Variants in ACSS3 observed in about 807,000 individuals in gnomAD.
ACSS3 encodes the protein acyl-CoA synthetase short-chain family member 3, mitochondrial.
Under a neutral mutation model 84.2 loss-of-function variants are expected in ACSS3, and 64 were observed. That is an observed-to-expected ratio of 0.76 (90% CI 0.62 to 0.94). The LOEUF (loss-of-function observed/expected upper bound fraction) is 0.94. ACSS3 is among the 40% of genes least tolerant of loss of function. ACSS3 has a pLI of 0.00. For missense variants in ACSS3, 815 were observed against 867.6 expected (o/e 0.94, Z 0.76); for synonymous variants, 317 against 310.1 (o/e 1.02, Z -0.23).
At chr12:81,215,666 T>C (rs1245935740) in intron 9 of ACSS3, among the ~76,000 whole-genome samples, 6 of 152,234 alleles carry the variant, frequency 3.9e-5, no homozygotes, top group African/African-American at 1.2e-4. Flanking sequence ...GTGTAGGTTA[T>C]GTGTGTAATA....
chr12:81,236,492 A>G (rs1479050707), intron 13 of ACSS3, among the ~76,000 whole-genome samples: 1 of 150,774 alleles, frequency 6.6e-6, no homozygotes, highest in African/African-American at 2.4e-5. Context: ...TTCATTTTTA[A>G]TCTATCTGTA....
At position 81,143,157 on chromosome 12, in the gene ACSS3, G is replaced by A. The variant is rs1324564765; in HGVS notation, c.831G>A (p.Met277Ile). 3.1e-6 allele frequency: 5 copies of A among 1,613,638 alleles called. No individual in the cohort carries two copies. The Admixed American group carries it at 6.7e-5, about 22-fold the overall frequency. The change falls in exon 5 of 16, where the codon ATG (methionine) becomes ATA (isoleucine). Residue 277 changes from methionine (M) to isoleucine (I), a missense_variant. Physicochemically the swap from Met to Ile is conservative, Grantham distance 10. Coordinates refer to ENST00000548058, the MANE Select transcript of ACSS3 (RefSeq NM_024560.4). ...PGRDLDWDEE[M>I]AKAQSHDCVP... ...GTGACCTTGATTGGGATGAAGAGATGGCAAAAGCCCAGTCACATGACTGTG... is the reference window on the plus strand; with the variant it reads ...GTGACCTTGATTGGGATGAAGAGATAGCAAAAGCCCAGTCACATGACTGTG...
chr12:81,224,475 T>A (rs2033204601), intron 11 of ACSS3, among the ~76,000 whole-genome samples: 1 of 151,766 alleles, frequency 6.6e-6, no homozygotes, highest in Non-Finnish European at 1.5e-5. Flanking sequence ...TCTTATTGCT[T>A]CTTTCCCCAT....
chr12:81,172,259 CAAAA>C (rs775755412), intron 7 of ACSS3, among the ~76,000 whole-genome samples: 1 of 56,954 alleles, frequency 1.8e-5, no homozygotes. Flanking sequence ...GGCTCTGTCT[CAAAA>C]AAAAAAAAAA....
chr12:81,251,803 A>ACTTAG (rs1248115503), intron 13 of ACSS3, among the ~76,000 whole-genome samples: 1 of 152,104 alleles, frequency 6.6e-6, no homozygotes, highest in African/African-American at 2.4e-5. Flanking sequence ...TGAACATGCC[A>ACTTAG]GCGCACTCCA....
chr12:81,122,808 A>G (rs1884743994), intron 2 of ACSS3, among the ~76,000 whole-genome samples: 1 of 152,110 alleles, frequency 6.6e-6, no homozygotes, highest in Non-Finnish European at 1.5e-5. Flanking sequence ...TGGGTTACAT[A>G]TTTTTTATAT....
chr12:81,181,747 C>CAAAAAAAAAAAAAAAAA lies in ACSS3; in HGVS notation c.1250+6813_1250+6829dup, dbSNP rs59878486. 3.8e-4 allele frequency among the ~76,000 whole-genome samples: 18 copies of CAAAAAAAAAAAAAAAAA among 47,916 alleles called. 1 individual carries two copies. The highest frequency in any genetic ancestry group is 5.2e-4 in the Admixed American group (2 of 3,822). 31.4% of individuals were successfully genotyped at this position (47,916 alleles called of 152,430 possible). ...AAGCCAAAGATTTCAATCAATTAAG[C>CAAAAAAAAAAAAAAAAA]AAAAAAAAAAAAAAAAAAAAAGCAA... On this transcript the variant is annotated intron_variant, in intron 8 of 15. Coordinates refer to ENST00000548058, the MANE Select transcript of ACSS3 (RefSeq NM_024560.4).
rs2032783546 is a variant in ACSS3 at position 81,213,957 on chromosome 12, C to CTCTTTCTTTCTTTCTCTCTTTCTTTCTT, written c.1355-2929_1355-2928insCTCTTTCTTTCTTTCTTTCTTTCTTTCT. 9.8e-4 allele frequency among the ~76,000 whole-genome samples: 48 copies of CTCTTTCTTTCTTTCTCTCTTTCTTTCTT among 49,142 alleles called. 1 individual carries two copies. The highest frequency in any genetic ancestry group is 3.4e-3 in the African/African-American group (47 of 13,988). The allele number at this position is 49,142 out of a possible 152,430, so 32.2% of individuals were successfully genotyped here. On this transcript the variant is annotated intron_variant, in intron 9 of 15. Coordinates refer to ENST00000548058, the MANE Select transcript of ACSS3 (RefSeq NM_024560.4). ...CCTTTCTCTCTCTCTCTCCCTCTCT[C>CTCTTTCTTTCTTTCTCTCTTTCTTTCTT]TCTTTCTTTCTTTCTTTCTTTCTTT...
chr12:81,086,431 C>T (rs1881315530), intron 1 of ACSS3, among the ~76,000 whole-genome samples: 1 of 152,110 alleles, frequency 6.6e-6, no homozygotes, highest in Non-Finnish European at 1.5e-5. Flanking sequence ...TGGTACTGTG[C>T]CGTATCTAAT....
chr12:81,243,242 G>A (rs1278397600), intron 13 of ACSS3, among the ~76,000 whole-genome samples: 1 of 152,094 alleles, frequency 6.6e-6, no homozygotes, highest in Non-Finnish European at 1.5e-5. Flanking sequence ...CAAATCATGA[G>A]TGAACTCCCA....
intron 15 of ACSS3, 94 bp downstream of exon 15, chr12:81,253,764 G>A (rs1374016950): frequency 7.9e-7 from 1 of 1,268,550 alleles, no homozygotes; most frequent in African/African-American, 1.5e-5. Context: ...TCTCAAATGT[G>A]AATTGCATCT....
rs114571763 is a variant in ACSS3, at chr12:81,133,532, C to A, written c.457-1284C>A. Among the ~76,000 whole-genome samples the A allele has an allele frequency of 3.8e-3, 581 of 152,196 alleles. 6 individuals carry two copies. Among genetic ancestry groups the A allele is most frequent in the African/African-American group, 0.014 (566 of 41,540 alleles). On this transcript the variant is annotated intron_variant, in intron 2 of 15. Coordinates refer to ENST00000548058, the MANE Select transcript of ACSS3 (RefSeq NM_024560.4). Reference sequence around the variant, plus strand: ...CATGTTTGTATTTCACTGATGTTCTCTTTGCCTGAAATAGTACATTCATAG... The same window carrying A: ...CATGTTTGTATTTCACTGATGTTCTATTTGCCTGAAATAGTACATTCATAG...
chr12:81,176,991 G>T (rs546034515), intron 8 of ACSS3, among the ~76,000 whole-genome samples: 84 of 152,206 alleles, frequency 5.5e-4, no homozygotes, highest in Non-Finnish European at 9.7e-4. Context: ...CTTTACTCCT[G>T]GAATGCAAGG....
intron 1 of ACSS3, among the ~76,000 whole-genome samples, chr12:81,095,621 A>C (rs1360843297): frequency 1.3e-5 from 2 of 152,186 alleles, no homozygotes; most frequent in Non-Finnish European, 2.9e-5. Flanking sequence ...TTTCACTGAC[A>C]GTGGATTCAG....
At chr12:81,112,578 C>T (rs1047587738) in intron 2 of ACSS3, among the ~76,000 whole-genome samples, 12 of 152,142 alleles carry the variant, frequency 7.9e-5, no homozygotes, top group Admixed American at 5.9e-4. Context: ...CTGCTGACAG[C>T]CTCTGATTCC....
At chr12:81,181,885 G>T (rs557754566) in intron 8 of ACSS3, among the ~76,000 whole-genome samples, 1 of 151,934 alleles carries the variant, frequency 6.6e-6, no homozygotes, top group South Asian at 2.1e-4. Context: ...AGAATGAAAA[G>T]GGGTGAAGAC....
intron 13 of ACSS3, among the ~76,000 whole-genome samples, chr12:81,242,757 C>A (rs1170953597): frequency 1.4e-5 from 2 of 142,472 alleles, no homozygotes; most frequent in Admixed American, 7.1e-5. Flanking sequence ...AAGACAAAAA[C>A]CACATGATTA....
chr12:81,211,305 C>T (rs1234945576), intron 9 of ACSS3, among the ~76,000 whole-genome samples: 4 of 151,898 alleles, frequency 2.6e-5, no homozygotes, highest in Non-Finnish European at 4.4e-5. Context: ...TTTGTGGATA[C>T]ATGATGTATA....
At chr12:81,252,570 T>A (rs1254167949) in intron 13 of ACSS3, among the ~76,000 whole-genome samples, 1 of 151,970 alleles carries the variant, frequency 6.6e-6, no homozygotes, top group Non-Finnish European at 1.5e-5. Flanking sequence ...AGAAAAAAAA[T>A]TTTGAATATG....
Sources: allele counts gnomAD v4.1 joint callset (sites outside exome capture counted in the v4.1 genomes callset), GRCh38; gene constraint gnomAD v4.1.1; transcripts MANE v1.5; gene names NCBI Gene and HGNC (gene_info 2026-07-23, HGNC 2026-07-21).